The following MGA variants were observed in gnomAD, a reference collection of about 807,000 sequenced individuals.
MGA encodes MAX dimerization protein MGA, also known as MAX gene-associated protein.
Under a neutral mutation model 261.1 loss-of-function variants are expected in MGA, and 40 were observed. That is an observed-to-expected ratio of 0.15 (90% CI 0.12 to 0.20). The LOEUF is 0.20. Ranked by LOEUF, MGA falls within the 10% of genes least tolerant of loss-of-function variation. The pLI is 1.00. For synonymous variants in MGA, 1,302 were observed against 1,290.6 expected (o/e 1.01, Z -0.19); for missense variants, 3,397 against 3,630.5 (o/e 0.94, Z 1.65).
Position 41,767,180 on chromosome 15 carries a change from A to G in MGA, c.9098A>G (p.Asn3033Ser), listed in dbSNP as rs1403219484. ...GGACACAAAATGAACTTAACAGGGA[A>G]TGACCAGGAAGGCCGGGAAAGCAAG... The change falls in exon 24 of 24, where the codon AAT becomes AGT. Residue 3033 changes from asparagine to serine, a missense_variant. By Grantham distance (46) the Asn-to-Ser change is conservative (BLOSUM62 1). Transcript: ENST00000219905. 1 of 1,613,878 alleles carries G rather than the reference A, an allele frequency of 6.2e-7. No homozygotes were observed. Among genetic ancestry groups the G allele is most frequent in the Non-Finnish European group, 8.5e-7 (1 of 1,179,882 alleles).
chr15:41,738,689 A>G (rs943998584), intron 13 of MGA, among the ~76,000 whole-genome samples: 7 of 152,190 alleles, frequency 4.6e-5, no homozygotes, highest in Admixed American at 2.6e-4. Flanking sequence ...CAGTCAGGCA[A>G]CTGTAAACTT....
At chr15:41,710,072 C>A (rs1342690968) in intron 7 of MGA, among the ~76,000 whole-genome samples, 1 of 152,130 alleles carries the variant, frequency 6.6e-6, no homozygotes, top group Non-Finnish European at 1.5e-5. Flanking sequence ...GGTGATCTGC[C>A]TGCCTCAGCC....
At chr15:41,747,566 CAAAA>C (rs1203197778) in intron 15 of MGA, among the ~76,000 whole-genome samples, 5 of 117,740 alleles carry the variant, frequency 4.2e-5, no homozygotes, top group Admixed American at 8.8e-5. Flanking sequence ...TCCATCTCCA[CAAAA>C]AAAAAAAAAA....
rs186253530 is a variant in MGA at position 41,740,178 on chromosome 15, G to C, written c.4560G>C (p.Ala1520=). 2.9e-5 allele frequency: 47 copies of C among 1,613,940 alleles called. No homozygotes were observed. In the African/African-American group the frequency reaches 5.7e-4, roughly 20 times the overall value. Residue 1520 remains alanine, a synonymous_variant, in exon 14 of 24, where the codon GCG becomes GCC. Transcript: ENST00000219905. ...ATCGCCCTGGGAAGAATCTGAAGGC[G>C]TTTGTCCCAGCAAAACGGCCAATTG...
chr15:41,699,202 T>G, intron 5 of MGA, 43 bp downstream of exon 5: 1 of 1,292,166 alleles, frequency 7.7e-7, no homozygotes, highest in Non-Finnish European at 1.1e-6. Flanking sequence ...TCTTTTTTTC[T>G]TTCTTCCCTA....
At chr15:41,754,385 A>G in intron 17 of MGA, 52 bp from the exon 18 acceptor site, 1 of 1,456,178 alleles carries the variant, frequency 6.9e-7, no homozygotes, top group Non-Finnish European at 9.1e-7. Flanking sequence ...TGAAAAGTTT[A>G]GGTGTGCTTG....
Position 41,768,291 on chromosome 15 carries a change from A to G in MGA, c.*1011A>G, listed in dbSNP as rs970087225. 1.3e-5 allele frequency: 2 copies of G among 152,600 alleles called. No homozygotes were observed. The highest frequency in any genetic ancestry group is 2.9e-5 in the Non-Finnish European group (2 of 68,038). 9.5% of individuals were successfully genotyped at this position (152,600 alleles called of 1,614,324 possible). A position where few individuals can be genotyped will look rare whatever the true frequency, so the allele number is the denominator to read the frequency against. On this transcript the variant is annotated 3_prime_UTR_variant, in exon 24 of 24. Coordinates refer to ENST00000219905, the MANE Select transcript of MGA (RefSeq NM_001164273.2). ...AATAAGGCAGTATTTGAATCACAAG[A>G]TATATTTTTTATCTGCAACCATGGA...
At position 41,673,901 on chromosome 15, in the gene MGA, T is replaced by C. The variant is rs190843687; in HGVS notation, c.1064+3943T>C. On this transcript the variant is annotated intron_variant, in intron 2 of 23. Coordinates refer to ENST00000219905, the MANE Select transcript of MGA (RefSeq NM_001164273.2). Reference sequence around the variant, plus strand: ...TTCTCCCATCTAATACTGATTATTGTTATGTTTTGAGACGGAGTCTTGCTC... The same window carrying C: ...TTCTCCCATCTAATACTGATTATTGCTATGTTTTGAGACGGAGTCTTGCTC... 3.1e-3 allele frequency among the ~76,000 whole-genome samples: 469 copies of C among 152,276 alleles called. 14 individuals are homozygous for C. The highest frequency in any genetic ancestry group is 8.5e-4 in the Non-Finnish European group (58 of 68,036).
chr15:41,737,482 T>C (rs557504839), intron 13 of MGA, among the ~76,000 whole-genome samples: 1 of 152,202 alleles, frequency 6.6e-6, no homozygotes, highest in South Asian at 2.1e-4. Flanking sequence ...AAGGTGTTAT[T>C]TAAATACAAG....
chr15:41,751,794 A>C (rs2062850432), intron 17 of MGA: 1 of 152,016 alleles, frequency 6.6e-6, no homozygotes. Context: ...GTCTGATGTA[A>C]AACATGGGGA....
At chr15:41,664,216 C>T (rs1015142789) in intron 1 of MGA, among the ~76,000 whole-genome samples, 2 of 152,078 alleles carry the variant, frequency 1.3e-5, no homozygotes, top group Non-Finnish European at 2.9e-5. Context: ...TATTATATGC[C>T]TGTGCACAAA....
chr15:41,705,437 C>T (rs546441362), intron 5 of MGA, among the ~76,000 whole-genome samples: 1 of 152,010 alleles, frequency 6.6e-6, no homozygotes, highest in East Asian at 1.9e-4. Flanking sequence ...TCATGGCTTG[C>T]AGTACCCTCA....
At chr15:41,730,406 T>C (rs929297473) in intron 11 of MGA, among the ~76,000 whole-genome samples, 19 of 151,336 alleles carry the variant, frequency 1.3e-4, no homozygotes, top group Non-Finnish European at 4.4e-5. Context: ...ACCATTGCAC[T>C]CCAGCCTGGG....
At chr15:41,704,144 G>A (rs1441853767) in intron 5 of MGA, among the ~76,000 whole-genome samples, 5 of 152,056 alleles carry the variant, frequency 3.3e-5, no homozygotes, top group African/African-American at 7.2e-5. Flanking sequence ...TATGAGTAAT[G>A]ACAATATTTC....
chr15:41,629,224 A>T (rs934968773), intron 1 of MGA, among the ~76,000 whole-genome samples: 2 of 152,142 alleles, frequency 1.3e-5, no homozygotes, highest in Non-Finnish European at 2.9e-5. Context: ...CATGTTTTCA[A>T]GGTAGAACCA....
At chr15:41,643,129 A>G (rs2056858927) in intron 1 of MGA, among the ~76,000 whole-genome samples, 1 of 140,158 alleles carries the variant, frequency 7.1e-6, no homozygotes, top group Non-Finnish European at 1.5e-5. Flanking sequence ...TTGGTCTTGA[A>G]TTGAGCTCAA....
At chr15:41,718,779 T>G (rs2060788926) in intron 9 of MGA, 1 of 160,160 alleles carries the variant, frequency 6.2e-6, no homozygotes, top group Non-Finnish European at 1.4e-5. Context: ...CTGGATAAAA[T>G]AATCTTTGAA....
At chr15:41,697,365 C>T (rs923621995) in intron 3 of MGA, among the ~76,000 whole-genome samples, 2 of 151,146 alleles carry the variant, frequency 1.3e-5, no homozygotes, top group African/African-American at 4.9e-5. Flanking sequence ...TTTACTAACT[C>T]TTTGGTGACG....
In MGA at chr15:41,713,030, A is replaced by G. The variant is rs973253212; in HGVS notation, c.3085-121A>G. On this transcript the variant is annotated intron_variant, in intron 8 of 23. Transcript: ENST00000219905. ...TTCATGTTCTGTCCTTTGAATCTGCATTAGTCCTGTGCTGTTAGTACTTAA... is the reference window on the plus strand; with the variant it reads ...TTCATGTTCTGTCCTTTGAATCTGCGTTAGTCCTGTGCTGTTAGTACTTAA... 8.6e-6 allele frequency: 12 copies of G among 1,392,538 alleles called. No homozygotes were observed. In the African/African-American group the frequency reaches 1.4e-4, roughly 17 times the overall value. The allele number at this position is 1,392,538 out of a possible 1,614,324, so 86.3% of individuals were successfully genotyped here.
Sources: allele counts gnomAD v4.1 joint callset (sites outside exome capture counted in the v4.1 genomes callset), GRCh38; gene constraint gnomAD v4.1.1; transcripts MANE v1.5; gene names NCBI Gene and HGNC (gene_info 2026-07-23, HGNC 2026-07-21).